Variants in LRRFIP1 observed in about 807,000 individuals in gnomAD.
LRRFIP1 encodes LRR binding FLII interacting protein 1.
In LRRFIP1, 62 loss-of-function variants were observed where a neutral mutation model predicts 104.4. The observed-to-expected ratio is 0.59, with a 90% CI of 0.48 to 0.73. The LOEUF is 0.73. Among genes scored for constraint, LRRFIP1 ranks in the 30% least tolerant of loss-of-function variants. The pLI is 0.00. For synonymous variants in LRRFIP1, 300 were observed against 299.0 expected (o/e 1.00, Z -0.03); for missense variants, 796 against 824.5 (o/e 0.97, Z 0.42).
chr2:237,678,858 A>C (rs2091479853), intron 1 of LRRFIP1, among the ~76,000 whole-genome samples: 1 of 152,122 alleles, frequency 6.6e-6, no homozygotes, highest in Non-Finnish European at 1.5e-5. Context: ...CCTTCATTGC[A>C]CTTACATCTC....
At chr2:237,763,695 A>G (rs779777904) in intron 19 of LRRFIP1, 3 of 1,614,112 alleles carry the variant, frequency 1.9e-6, no homozygotes, top group Admixed American at 1.7e-5. Context: ...CAAGAAGGTG[A>G]TGATGTACAA....
intron 1 of LRRFIP1, among the ~76,000 whole-genome samples, chr2:237,634,717 C>T (rs1344130246): frequency 6.6e-6 from 1 of 152,200 alleles, no homozygotes; most frequent in African/African-American, 2.4e-5. Context: ...TATAATCTTT[C>T]TTTCCTTATA....
At chr2:237,753,640 T>G (rs1226335917) in intron 15 of LRRFIP1, among the ~76,000 whole-genome samples, 161 bp downstream of exon 15, 1 of 151,782 alleles carries the variant, frequency 6.6e-6, no homozygotes, top group Non-Finnish European at 1.5e-5. Flanking sequence ...TAAAAAGAAT[T>G]AAAACAATTA....
In LRRFIP1 at chr2:237,667,301, G is replaced by A. The variant is rs376862304; in HGVS notation, c.96+39561G>A. Among the ~76,000 whole-genome samples, 4 of 152,278 alleles carry A rather than the reference G, an allele frequency of 2.6e-5. No homozygotes were observed. In the South Asian group the frequency reaches 6.2e-4, roughly 24 times the overall value. Reference sequence around the variant, plus strand: ...GTGTTCTGTTCACCATTCACTCAGAGAACATGTTGGTTTTCTGTTCGTGTG... The same window carrying A: ...GTGTTCTGTTCACCATTCACTCAGAAAACATGTTGGTTTTCTGTTCGTGTG... On this transcript the variant is annotated intron_variant, in intron 1 of 23. Transcript: ENST00000308482.
chr2:237,776,605 G>T (rs566217148), intron 23 of LRRFIP1, among the ~76,000 whole-genome samples: 19 of 152,262 alleles, frequency 1.2e-4, no homozygotes, highest in Middle Eastern at 6.8e-3. Context: ...GATACTAGAT[G>T]TTTAAAATTC....
intron 22 of LRRFIP1, 81 bp from the exon 23 acceptor site, chr2:237,774,275 ACT>A: frequency 1.3e-6 from 1 of 788,220 alleles, no homozygotes; most frequent in Non-Finnish European, 2.1e-6. Flanking sequence ...ATTAAATCAC[ACT>A]CTTTGATCTC....
rs948186587 is a variant in LRRFIP1, at chr2:237,779,740, C to T, written c.*208C>T. The T allele has an allele frequency of 8.5e-6, 4 of 470,806 alleles. No individual in the cohort carries two copies. The highest frequency in any genetic ancestry group is 3.4e-5 in the Admixed American group (1 of 29,330). 29.2% of individuals were successfully genotyped at this position (470,806 alleles called of 1,614,324 possible). A position where few individuals can be genotyped will look rare whatever the true frequency, so the allele number is the denominator to read the frequency against. On this transcript the variant is annotated 3_prime_UTR_variant, in exon 24 of 24. Coordinates refer to ENST00000308482, the MANE Select transcript of LRRFIP1 (RefSeq NM_001137550.2). ...TGCCTCTGTCTGCAGACCCCTGGCC[C>T]GGGCTGGCGCCGACGCTCAGAACCT...
chr2:237,683,515 T>C (rs1044505815), intron 1 of LRRFIP1: 6 of 152,258 alleles, frequency 3.9e-5, no homozygotes, highest in African/African-American at 1.4e-4. Flanking sequence ...GTATGTTCTA[T>C]GTCCAAGTCT....
At chr2:237,699,043 C>A (rs1337648786) in intron 1 of LRRFIP1, among the ~76,000 whole-genome samples, 1 of 152,218 alleles carries the variant, frequency 6.6e-6, no homozygotes, top group African/African-American at 2.4e-5. Context: ...CAGTTGAATG[C>A]AGTGATGAGA....
chr2:237,722,771 T>C (rs1010103038), intron 6 of LRRFIP1, among the ~76,000 whole-genome samples: 1 of 152,176 alleles, frequency 6.6e-6, no homozygotes, highest in Admixed American at 6.5e-5. Flanking sequence ...TGAAGAGGCC[T>C]GCGTGGGGTC....
At position 237,748,402 on chromosome 2, in the gene LRRFIP1, A is replaced by G. The variant is rs1347077539; in HGVS notation, c.669+3A>G. The stretch of plus-strand genomic sequence containing the variant: ...CAGAAAAAGATTTTACTGAGAAGGT[A>G]AGGAATCGTTCATAAACCTAGAGGG... On this transcript the variant is annotated splice_donor_region_variant and intron_variant, in intron 12 of 23. Coordinates refer to ENST00000308482, the MANE Select transcript of LRRFIP1 (RefSeq NM_001137550.2). 1.9e-6 allele frequency: 3 copies of G among 1,603,036 alleles called. No homozygotes were observed. Among genetic ancestry groups the G allele is most frequent in the Admixed American group, 1.8e-5 (1 of 56,446 alleles).
At chr2:237,696,010 A>G (rs1255843563) in intron 1 of LRRFIP1, among the ~76,000 whole-genome samples, 3 of 152,176 alleles carry the variant, frequency 2.0e-5, no homozygotes, top group African/African-American at 7.2e-5. Flanking sequence ...CAGAAATTAT[A>G]TGTATTCCGA....
chr2:237,630,370 C>A (rs954354910), intron 1 of LRRFIP1, among the ~76,000 whole-genome samples: 1 of 152,206 alleles, frequency 6.6e-6, no homozygotes, highest in African/African-American at 2.4e-5. Flanking sequence ...CCATGGTATC[C>A]AAATTCCTGT....
Position 237,735,144 on chromosome 2 carries a change from T to C in LRRFIP1, c.490-124T>C. The C allele has an allele frequency of 1.4e-6, 1 of 705,922 alleles. No homozygotes were observed. Among genetic ancestry groups the C allele is most frequent in the Non-Finnish European group, 2.4e-6 (1 of 420,890 alleles). 43.7% of individuals were successfully genotyped at this position (705,922 alleles called of 1,614,324 possible). On this transcript the variant is annotated intron_variant, in intron 9 of 23. Transcript: ENST00000308482. This position sits in a 1 kb window ranked among gnomAD's most constrained non-coding sequence, Gnocchi z 4.6. ...TGGAAAGGTGGTTCTCAGCCTCCCC[T>C]GCATGCTTTTTCAGGTCATGCTCCT...
intron 1 of LRRFIP1, among the ~76,000 whole-genome samples, chr2:237,688,187 C>A (rs2092515906): frequency 6.7e-6 from 1 of 149,614 alleles, no homozygotes; most frequent in African/African-American, 2.6e-5. Flanking sequence ...CTGAGGCAGT[C>A]AGACAAAACC....
intron 1 of LRRFIP1, among the ~76,000 whole-genome samples, chr2:237,659,737 C>T (rs1234857464): frequency 2.6e-5 from 4 of 151,854 alleles, no homozygotes; most frequent in African/African-American, 9.7e-5. Context: ...CGCTCCTGGG[C>T]TCAAGGGGTC....
At chr2:237,736,363 T>C (rs1438474850) in intron 10 of LRRFIP1, among the ~76,000 whole-genome samples, 2 of 152,252 alleles carry the variant, frequency 1.3e-5, no homozygotes, top group Admixed American at 1.3e-4. Context: ...AACATTTTCA[T>C]AGGCCATTAG....
At chr2:237,633,641 G>A (rs1056640299) in intron 1 of LRRFIP1, among the ~76,000 whole-genome samples, 2 of 152,216 alleles carry the variant, frequency 1.3e-5, no homozygotes, top group South Asian at 2.1e-4. Context: ...GACCCAAGGT[G>A]TGCCAGGTAC....
intron 1 of LRRFIP1, among the ~76,000 whole-genome samples, chr2:237,658,535 A>G (rs2087236192): frequency 6.6e-6 from 1 of 152,248 alleles, no homozygotes; most frequent in Admixed American, 6.5e-5. Flanking sequence ...TACTACTGTA[A>G]AGAACTGCCC....
Sources: gnomAD v4.1 joint callset for allele counts (sites outside exome capture counted in the v4.1 genomes callset) on GRCh38, gnomAD v4.1.1 for gene constraint, Gnocchi (gnomAD v3.1) non-coding constraint, MANE v1.5 for transcripts, NCBI Gene and HGNC (gene_info 2026-07-23, HGNC 2026-07-21) for gene names.